The following FERMT3 variants were observed in gnomAD, a reference collection of about 807,000 sequenced individuals.
FERMT3 encodes the protein FERM domain containing kindlin 3, also known as fermitin family homolog 3.
A neutral mutation model predicts 80.8 loss-of-function variants in FERMT3; 33 were observed. That is an observed-to-expected ratio of 0.41 (90% confidence interval 0.31 to 0.55). FERMT3 has a LOEUF of 0.55. Ranked by LOEUF, FERMT3 falls within the 20% of genes least tolerant of loss-of-function variation. FERMT3 has a pLI of 0.31. For missense variants in FERMT3, 754 were observed against 908.7 expected, an observed-to-expected ratio of 0.83 and a Z score of 2.19; for synonymous variants, 375 against 372.2, an observed-to-expected ratio of 1.01 and a Z score of -0.09.
upstream of FERMT3, among the ~76,000 whole-genome samples, chr11:64,206,345 A>G (rs540541673): frequency 1.6e-4 from 25 of 152,296 alleles, no homozygotes; most frequent in Non-Finnish European, 2.5e-4. Flanking sequence ...TAACCTGGAT[A>G]CACTCTGTCG....
chr11:64,218,560 C>A (rs1946602479), intron 6 of FERMT3, among the ~76,000 whole-genome samples: 1 of 152,160 alleles, frequency 6.6e-6, no homozygotes, highest in African/African-American at 2.4e-5. Flanking sequence ...CTGCCTTGGC[C>A]TCCCAAAGTG....
intron 13 of FERMT3, among the ~76,000 whole-genome samples, chr11:64,222,277 AAAT>A (rs1946709892): frequency 8.5e-6 from 1 of 118,272 alleles, no homozygotes; most frequent in Non-Finnish European, 1.6e-5. Context: ...ATAAATAAAT[AAAT>A]AAAAGAGCCT....
Position 64,223,659 on chromosome 11 carries a change from G to A in FERMT3, c.*167G>A, listed in dbSNP as rs545852879. The A allele has an allele frequency of 2.6e-5, 23 of 898,960 alleles. No homozygotes were observed. Among genetic ancestry groups the A allele is most frequent in the Admixed American group, 4.3e-5 (2 of 46,022 alleles). 55.7% of individuals were successfully genotyped at this position (898,960 alleles called of 1,614,324 possible). On this transcript the variant is annotated 3_prime_UTR_variant, in exon 15 of 15. Transcript: ENST00000345728. Reference sequence around the variant, plus strand: ...GGCCAAGGACCTGGCAGGGCCAGACGCTGTACCATCACCCAGGCCAGGGAT... The same window carrying A: ...GGCCAAGGACCTGGCAGGGCCAGACACTGTACCATCACCCAGGCCAGGGAT...
chr11:64,208,748 G>A (rs769516981), intron 2 of FERMT3, among the ~76,000 whole-genome samples: 1 of 152,204 alleles, frequency 6.6e-6, no homozygotes, highest in Non-Finnish European at 1.5e-5. Context: ...GCTGGGACTC[G>A]GAGGGCTGTG....
rs751923843 is a variant in FERMT3, at chr11:64,220,430, G to A, written c.1312-6G>A. 3.0e-5 allele frequency: 49 copies of A among 1,610,538 alleles called. 1 individual carries two copies. The East Asian group carries it at 5.8e-4, about 19-fold the overall frequency. ...TAGCACTGTCCCCCTCACCCCTCTC[G>A]CCCAGGAGCAGCAGTATGCCCGCTG... On this transcript the variant is annotated splice_region_variant and splice_polypyrimidine_tract_variant and intron_variant, in intron 11 of 14. Coordinates refer to ENST00000345728, the MANE Select transcript of FERMT3 (RefSeq NM_031471.6).
chr11:64,207,233 G>A (rs910469323), intron 1 of FERMT3, 118 bp from the exon 2 acceptor site: 110 of 1,224,740 alleles, frequency 9.0e-5, no homozygotes, highest in Non-Finnish European at 1.2e-4. Flanking sequence ...GCTCACTCCC[G>A]CCCTCCTTCA....
chr11:64,220,139 G>A (rs547407324), intron 10 of FERMT3, 81 bp from the exon 11 acceptor site: 10 of 1,569,976 alleles, frequency 6.4e-6, no homozygotes, highest in Admixed American at 1.7e-5. Flanking sequence ...CTGAGGTGAC[G>A]GTGTGGGCTA....
upstream of FERMT3, among the ~76,000 whole-genome samples, chr11:64,206,100 A>G (rs1591020661): frequency 6.7e-6 from 1 of 148,766 alleles, no homozygotes; most frequent in Non-Finnish European, 1.5e-5. Flanking sequence ...AGTGGAGCAC[A>G]GTGGAGGGGT....
At position 64,221,472 on chromosome 11, in the gene FERMT3, A is replaced by T. The variant is rs1020163620; in HGVS notation, c.1670+332A>T. Among the ~76,000 whole-genome samples, 5 of 152,150 alleles carry T rather than the reference A, an allele frequency of 3.3e-5. No homozygotes were observed. In the South Asian group the frequency reaches 6.2e-4, roughly 19 times the overall value. On this transcript the variant is annotated intron_variant, in intron 13 of 14. Transcript: ENST00000345728. ...AGAAAGTCCCTCGTCTCTACAAAAAATTGTAAAAAATTACCTGGGCATGGT... is the reference window on the plus strand; with the variant it reads ...AGAAAGTCCCTCGTCTCTACAAAAATTTGTAAAAAATTACCTGGGCATGGT...
chr11:64,209,307 C>T (rs536650496), intron 2 of FERMT3, among the ~76,000 whole-genome samples: 3 of 152,298 alleles, frequency 2.0e-5, no homozygotes, highest in East Asian at 1.9e-4. Context: ...AGGAGGAAGC[C>T]GGTGGACAGG....
At chr11:64,207,844 G>A in intron 2 of FERMT3, 1 of 273,174 alleles carries the variant, frequency 3.7e-6, no homozygotes, top group Non-Finnish European at 7.0e-6. Context: ...GAGGTCTGAG[G>A]GGGTCTAGGT....
intron 10 of FERMT3, 87 bp from the exon 11 acceptor site, chr11:64,220,133 G>A (rs2134883861): frequency 6.3e-7 from 1 of 1,575,142 alleles, no homozygotes; most frequent in East Asian, 2.2e-5. Context: ...TCTGTCCTGA[G>A]GTGACGGTGT....
chr11:64,221,095 C>T lies in FERMT3; in HGVS notation c.1625C>T (p.Ala542Val). Residue 542 changes from alanine (A) to valine (V), a missense_variant, in exon 13 of 15, where the codon GCC becomes GTC. Transcript: ENST00000345728. ...GAGGCCCAGCTGCGCTTCATCCAGG[C>T]CTGGCAGTCCCTGCCCGACTTCGGC... ...LAEAQLRFIQ[A>V]WQSLPDFGIS... The T allele has an allele frequency of 6.2e-7, 1 of 1,611,806 alleles. No individual in the cohort carries two copies. Among genetic ancestry groups the T allele is most frequent in the Admixed American group, 1.7e-5 (1 of 60,022 alleles).
chr11:64,217,596 G>A (rs1280696380), intron 6 of FERMT3, among the ~76,000 whole-genome samples: 4 of 151,988 alleles, frequency 2.6e-5, no homozygotes, highest in Non-Finnish European at 5.9e-5. Context: ...CCCCCACCCC[G>A]TCCAGCTGTG....
rs1946433385 is a variant in FERMT3, at chr11:64,211,337, G to T, written c.577G>T (p.Ala193Ser). 1 of 1,612,876 alleles carries T rather than the reference G, an allele frequency of 6.2e-7. No individual in the cohort carries two copies. The highest frequency in any genetic ancestry group is 1.3e-5 in the African/African-American group (1 of 74,870). The change falls in exon 5 of 15, where the codon GCC (alanine) becomes TCC (serine). Residue 193 changes from alanine to serine, a missense_variant. Coordinates refer to ENST00000345728, the MANE Select transcript of FERMT3 (RefSeq NM_031471.6). The surrounding 1 kb of genome is among the most constrained non-coding windows in gnomAD (Gnocchi z 4.7). The stretch of plus-strand genomic sequence containing the variant: ...CTTCTCGGACAGCGCCCAGACTGAG[G>T]CCTGCTACCACATGCTGAGCCGGCC... The part of the protein sequence containing the change: ...AHFSDSAQTE[A>S]CYHMLSRPQP...
Position 64,219,640 on chromosome 11 carries a change from G to A in FERMT3, c.1011G>A (p.Ser337=), listed in dbSNP as rs773558800. The A allele has an allele frequency of 9.9e-6, 16 of 1,613,266 alleles. No homozygotes were observed. The highest frequency in any genetic ancestry group is 6.7e-5 in the East Asian group (3 of 44,888). Residue 337 remains serine, a synonymous_variant, in exon 8 of 15, where the codon TCG becomes TCA. Coordinates refer to ENST00000345728, the MANE Select transcript of FERMT3 (RefSeq NM_031471.6). The surrounding 1 kb of genome is among the most constrained non-coding windows in gnomAD (Gnocchi z 4.0). ...ACCTGGAGGTGAAGCTGGAGGGGTC[G>A]GCGCCCACAGATGTGCTGGTGAGGA... The part of the protein sequence containing the change: ...LSNLEVKLEG[S]APTDVLDSLT...
intron 6 of FERMT3, among the ~76,000 whole-genome samples, chr11:64,216,157 T>TA (rs1299594841): frequency 6.7e-6 from 1 of 150,198 alleles, no homozygotes; most frequent in Non-Finnish European, 1.5e-5. Context: ...AAGAATATTC[T>TA]GGTCTTGATT....
chr11:64,207,687 A>G (rs1946343755), intron 2 of FERMT3, 163 bp downstream of exon 2: 2 of 820,206 alleles, frequency 2.4e-6, no homozygotes, highest in African/African-American at 1.7e-5. Context: ...CATTTCCCCA[A>G]CTTCCTCTCC....
At position 64,219,789 on chromosome 11, in the gene FERMT3, G is replaced by A. The variant is rs1239277296; in HGVS notation, c.1079G>A (p.Arg360Gln). Residue 360 changes from arginine to glutamine, a missense_variant and splice_region_variant, in exon 9 of 15, where the codon CGG becomes CAG. By Grantham distance (43) the Arg-to-Gln change is conservative. Coordinates refer to ENST00000345728, the MANE Select transcript of FERMT3 (RefSeq NM_031471.6). This position sits in a 1 kb window ranked among gnomAD's most constrained non-coding sequence, Gnocchi z 4.0. The stretch of plus-strand genomic sequence containing the variant: ...CTCAAGGACCATCTCCGAATCTTTC[G>A]GTGAGTTGGGGGCCAGAGTAGGCAG... ...PELKDHLRIF[R>Q]PRKLTLKGYR... 2 of 1,614,096 alleles carry A rather than the reference G, an allele frequency of 1.2e-6. No homozygotes were observed. Among genetic ancestry groups the A allele is most frequent in the African/African-American group, 1.3e-5 (1 of 75,032 alleles).
Sources: allele counts gnomAD v4.1 joint callset (sites outside exome capture counted in the v4.1 genomes callset), GRCh38; gene constraint gnomAD v4.1.1; non-coding constraint Gnocchi (gnomAD v3.1); transcripts MANE v1.5; gene names NCBI Gene and HGNC (gene_info 2026-07-23, HGNC 2026-07-21).